The following TTLL11 variants were observed in gnomAD, a reference collection of about 807,000 sequenced individuals.
TTLL11 encodes tubulin polyglutamylase TTLL11.
TTLL11 carries 42 observed loss-of-function variants against 51.7 expected under a neutral mutation model. The ratio of observed to expected loss-of-function variants is 0.81; its 90% CI spans 0.64 to 1.05. The LOEUF (loss-of-function observed/expected upper bound fraction) is 1.05. TTLL11 is among the 50% of genes least tolerant of loss of function. The probability of loss-of-function intolerance (pLI) is 0.00; values close to 1 mark genes in which losing one functional copy is unlikely to be tolerated. For missense variants in TTLL11, 799 were observed against 940.4 expected (o/e 0.85, Z 1.97); for synonymous variants, 381 against 383.5 (o/e 0.99, Z 0.08).
intron 1 of TTLL11, among the ~76,000 whole-genome samples, chr9:122,067,159 A>G (rs765589751): frequency 1.2e-4 from 18 of 152,190 alleles, no homozygotes; most frequent in Non-Finnish European, 2.4e-4. Flanking sequence ...AAGTCACTCA[A>G]CCTTTGTGAA....
In TTLL11 at chr9:121,969,426, C is replaced by T. The variant is rs376610276; in HGVS notation, c.1481+4583G>A. Among the ~76,000 whole-genome samples the T allele has an allele frequency of 1.0e-3, 152 of 152,126 alleles. 1 individual carries two copies. The highest frequency in any genetic ancestry group is 3.5e-3 in the African/African-American group (145 of 41,502). On this transcript the variant is annotated intron_variant, in intron 6 of 8. Transcript: ENST00000321582. Reference sequence around the variant, plus strand: ...AGAAACTGACCCTAGGCTACAAGACCCAGAGTTCAGGGAGATGCATGATGC... The same window carrying T: ...AGAAACTGACCCTAGGCTACAAGACTCAGAGTTCAGGGAGATGCATGATGC...
intron 6 of TTLL11, among the ~76,000 whole-genome samples, chr9:121,911,582 T>C (rs13299544): frequency 0.17 from 26,217 of 152,142 alleles, 2,502 homozygotes; most frequent in Admixed American, 0.23. Context: ...GTGGCACATA[T>C]ATACCATGGA....
chr9:122,019,610 C>G (rs12348794), intron 3 of TTLL11, among the ~76,000 whole-genome samples: 1 of 152,074 alleles, frequency 6.6e-6, no homozygotes, highest in Non-Finnish European at 1.5e-5. Flanking sequence ...CCACCACACC[C>G]GGTAAATCGT....
chr9:121,983,889 C>T (rs1842879568), intron 4 of TTLL11, among the ~76,000 whole-genome samples: 1 of 152,024 alleles, frequency 6.6e-6, no homozygotes, highest in East Asian at 1.9e-4. Context: ...AGTGGGTGCC[C>T]AGGGAATGTG....
At chr9:121,963,990 G>C (rs1828137550) in intron 6 of TTLL11, among the ~76,000 whole-genome samples, 1 of 152,006 alleles carries the variant, frequency 6.6e-6, no homozygotes, top group South Asian at 2.1e-4. Context: ...AACGATAATA[G>C]GATGACAGTT....
chr9:122,032,675 T>C (rs1036643875), intron 2 of TTLL11, among the ~76,000 whole-genome samples: 1 of 151,732 alleles, frequency 6.6e-6, no homozygotes, highest in Non-Finnish European at 1.5e-5. Flanking sequence ...TGGTGGATTT[T>C]TTTTCTTGTA....
intron 6 of TTLL11, among the ~76,000 whole-genome samples, chr9:121,933,555 C>T (rs1841076167): frequency 6.6e-6 from 1 of 152,142 alleles, no homozygotes; most frequent in African/African-American, 2.4e-5. Context: ...TTTATACTCT[C>T]ACTATCCATC....
Position 121,822,863 on chromosome 9 carries a change from G to A in TTLL11, c.1857C>T (p.Ala619=), listed in dbSNP as rs1009627337. 2.5e-5 allele frequency: 39 copies of A among 1,550,856 alleles called. No homozygotes were observed. Among genetic ancestry groups the A allele is most frequent in the Non-Finnish European group, 3.4e-5 (39 of 1,146,650 alleles). ...DQRDSGMCLQ[A]FVEAFFFLAQ... is the part of the protein sequence containing the mutation. The stretch of plus-strand genomic sequence containing the variant: ...CCAGGAAAAAGAAAGCTTCTACGAA[G>A]GCCTGCAGACACATCCCTGTGAACA... Residue 619 remains alanine, a synonymous_variant, in exon 9 of 9, where the codon GCC becomes GCT. Coordinates refer to ENST00000321582, the MANE Select transcript of TTLL11 (RefSeq NM_001139442.2). This position sits in a 1 kb window ranked among gnomAD's most constrained non-coding sequence, Gnocchi z 5.8.
chr9:122,018,226 C>T (rs1250820842), intron 3 of TTLL11, among the ~76,000 whole-genome samples: 2 of 151,074 alleles, frequency 1.3e-5, no homozygotes, highest in South Asian at 2.1e-4. Context: ...CATTCTTCTG[C>T]CTCAGCCTCC....
intron 6 of TTLL11, among the ~76,000 whole-genome samples, chr9:121,950,614 C>G (rs1198098923): frequency 6.6e-6 from 1 of 152,146 alleles, no homozygotes; most frequent in East Asian, 1.9e-4. Flanking sequence ...CACTTGAGAG[C>G]TCACCGGGCA....
At chr9:121,861,594 A>G (rs10739600) in intron 7 of TTLL11, among the ~76,000 whole-genome samples, 105,284 of 151,990 alleles carry the variant, frequency 0.69, 36,672 homozygotes, top group East Asian at 0.89. Context: ...ACCACCAGCA[A>G]CGTGTCCTCA....
chr9:121,984,796 A>T (rs150027830), intron 4 of TTLL11, among the ~76,000 whole-genome samples: 24 of 152,342 alleles, frequency 1.6e-4, no homozygotes, highest in Non-Finnish European at 3.2e-4. Flanking sequence ...GAACTGGGAA[A>T]GAACGTTCTT....
chr9:122,037,155 T>C (rs78735842), intron 2 of TTLL11, among the ~76,000 whole-genome samples: 27 of 152,204 alleles, frequency 1.8e-4, no homozygotes, highest in African/African-American at 6.3e-4. Flanking sequence ...AAAATGTAAA[T>C]GAGGCCTCAT....
At chr9:121,841,715 A>G (rs1226074773) in intron 8 of TTLL11, among the ~76,000 whole-genome samples, 9 of 152,054 alleles carry the variant, frequency 5.9e-5, no homozygotes, top group African/African-American at 1.9e-4. Context: ...GAAAAGCCCA[A>G]TGATTATTAT....
At chr9:122,041,335 C>G (rs1844841139) in intron 1 of TTLL11, among the ~76,000 whole-genome samples, 1 of 152,188 alleles carries the variant, frequency 6.6e-6, no homozygotes, top group Admixed American at 6.5e-5. Context: ...TGGTAAAATA[C>G]TAAAAGCTTT....
At chr9:121,849,415 T>G (rs1255089936) in intron 8 of TTLL11, among the ~76,000 whole-genome samples, 1 of 152,212 alleles carries the variant, frequency 6.6e-6, no homozygotes, top group Non-Finnish European at 1.5e-5. Context: ...TTGAACTTTA[T>G]TAAGATTAAA....
intron 4 of TTLL11, among the ~76,000 whole-genome samples, chr9:121,985,516 T>TTA (rs1842920864): frequency 7.2e-6 from 1 of 139,428 alleles, no homozygotes; most frequent in Non-Finnish European, 1.5e-5. Context: ...TTCTTTTCTT[T>TTA]TTTTTTTTTT....
Position 121,938,372 on chromosome 9 carries a change from A to C in TTLL11, c.1481+35637T>G, listed in dbSNP as rs1056534111. On this transcript the variant is annotated intron_variant, in intron 6 of 8. Transcript: ENST00000321582. ...CAATTAGGGAAATGAGACATAAAAA[A>C]AGAAATAAAAGGTATAAGGACTAAA... Among the ~76,000 whole-genome samples, 5 of 152,266 alleles carry C rather than the reference A, an allele frequency of 3.3e-5. No individual in the cohort carries two copies. The East Asian group carries it at 7.7e-4, about 23-fold the overall frequency.
intron 6 of TTLL11, among the ~76,000 whole-genome samples, chr9:121,926,439 A>T (rs1840737411): frequency 6.6e-6 from 1 of 152,234 alleles, no homozygotes; most frequent in African/African-American, 2.4e-5. Context: ...GGAGTCATTC[A>T]CATTCATTAA....
Sources: allele counts gnomAD v4.1 joint callset (sites outside exome capture counted in the v4.1 genomes callset), GRCh38; gene constraint gnomAD v4.1.1; non-coding constraint Gnocchi (gnomAD v3.1); transcripts MANE v1.5; gene names NCBI Gene and HGNC (gene_info 2026-07-23, HGNC 2026-07-21).